ANKRD26: variants seen among roughly 807,000 people sequenced by gnomAD.
ANKRD26 encodes the protein ankyrin repeat domain 26.
In ANKRD26, 141 loss-of-function variants were observed where a neutral mutation model predicts 208.7. The ratio of observed to expected loss-of-function variants is 0.68; its 90% CI spans 0.59 to 0.78. The LOEUF (loss-of-function observed/expected upper bound fraction) is 0.78. ANKRD26 is among the 30% of genes least tolerant of loss of function. The pLI, the probability that ANKRD26 is intolerant of heterozygous loss-of-function variation, is 0.00. For synonymous variants in ANKRD26, 636 were observed against 660.4 expected, an observed-to-expected ratio of 0.96 and a Z score of 0.57; for missense variants, 1,889 against 1,938.7, an observed-to-expected ratio of 0.97 and a Z score of 0.48.
At chr10:26,962,275 A>G in the ANKRD26 span, among the ~76,000 whole-genome samples, 1 of 152,140 alleles carries the variant, frequency 6.6e-6, no homozygotes, top group Admixed American at 6.5e-5. Flanking sequence ...TACAAAAAAT[A>G]AAATTTTTAA....
chr10:27,082,811 G>A lies in ANKRD26; in HGVS notation c.732C>T (p.Ser244=). Residue 244 remains serine (S), a synonymous_variant, in exon 6 of 34, where the codon TCC becomes TCT. Coordinates refer to ENST00000376087, the MANE Select transcript of ANKRD26 (RefSeq NM_014915.3). ...SNSVDESSED[S]LSRLSGKPGV... is the part of the protein sequence containing the mutation. ...AATCTGTAAAATACTACCTGCTTAA[G>A]GAGTCTTCAGAGCTTTCATCCACTA... The A allele has an allele frequency of 6.3e-7, 1 of 1,588,688 alleles. No homozygotes were observed. The highest frequency in any genetic ancestry group is 8.6e-7 in the Non-Finnish European group (1 of 1,166,484).
the ANKRD26 span, among the ~76,000 whole-genome samples, chr10:26,951,013 C>CTT: frequency 4.6e-4 from 46 of 100,914 alleles, 6 homozygotes; most frequent in African/African-American, 2.4e-3. Context: ...CTTTTCTTTT[C>CTT]TTTTTCTTTT....
chr10:27,017,570 G>C lies in ANKRD26; in HGVS notation c.4438C>G (p.Gln1480Glu), dbSNP rs768622377. 2 of 1,613,604 alleles carry C rather than the reference G, an allele frequency of 1.2e-6. No homozygotes were observed. Among genetic ancestry groups the C allele is most frequent in the African/African-American group, 2.7e-5 (2 of 75,010 alleles). ...VELGQVKQYK[Q>E]EIEERARQEI... The stretch of plus-strand genomic sequence containing the variant: ...TGTCTTGCTCTTTCTTCAATCTCCT[G>C]TTTATACTGTTTGACTTGACCAAGT... Residue 1480 changes from glutamine (Q) to glutamate (E), a missense_variant, in exon 30 of 34, where the codon CAG (glutamine) becomes GAG (glutamate). By Grantham distance (29) the Gln-to-Glu change is conservative. This residue lies in a region of ANKRD26 where 613 missense variants were observed against 648.2 expected (regional missense o/e 0.95). Transcript: ENST00000376087.
intron 20 of ANKRD26, among the ~76,000 whole-genome samples, chr10:27,041,739 A>G (rs2054246325): frequency 1.3e-5 from 2 of 152,158 alleles, no homozygotes; most frequent in South Asian, 4.1e-4. Context: ...CTACGGAAAA[A>G]AATCCAAGCA....
intron 15 of ANKRD26, among the ~76,000 whole-genome samples, chr10:27,054,148 ATTAT>A (rs1450747789): frequency 6.6e-6 from 1 of 152,040 alleles, no homozygotes; most frequent in East Asian, 1.9e-4. Context: ...TGAACTGTAT[ATTAT>A]TTATTTATAT....
intron 20 of ANKRD26, among the ~76,000 whole-genome samples, chr10:27,040,804 C>A (rs962901931): frequency 1.3e-5 from 2 of 151,838 alleles, no homozygotes; most frequent in Admixed American, 1.3e-4. Flanking sequence ...CTGAGGTGGG[C>A]GGATCACCTG....
chr10:27,024,348 G>A, intron 28 of ANKRD26, 99 bp downstream of exon 28: 1 of 662,180 alleles, frequency 1.5e-6, no homozygotes, highest in Non-Finnish European at 2.6e-6. Context: ...TTAAGAAAAA[G>A]TAGATATTAA....
chr10:27,066,871 A>G (rs2055269259), intron 10 of ANKRD26, among the ~76,000 whole-genome samples: 3 of 151,696 alleles, frequency 2.0e-5, no homozygotes, highest in South Asian at 2.1e-4. Context: ...GCAGTGGCGC[A>G]ATCTCAGCCC....
At position 27,078,910 on chromosome 10, in the gene ANKRD26, T is replaced by TAAA. The variant is rs71281564; in HGVS notation, c.813+176_813+178dup. Among the ~76,000 whole-genome samples the TAAA allele has an allele frequency of 4.2e-3, 310 of 74,576 alleles. 2 individuals are homozygous for TAAA. Among genetic ancestry groups the TAAA allele is most frequent in the African/African-American group, 0.014 (264 of 18,566 alleles). 48.9% of individuals were successfully genotyped at this position (74,576 alleles called of 152,430 possible). On this transcript the variant is annotated intron_variant, in intron 7 of 33. Transcript: ENST00000376087. ...ATCAATCCTTTGTTATTTACCAAAG[T>TAAA]AAAAAAAAAAAAAAAAAAAGAATTC...
chr10:26,994,746 G>C (rs1475229625), intron 5 of ANKRD26, among the ~76,000 whole-genome samples: 1 of 152,174 alleles, frequency 6.6e-6, no homozygotes, highest in Non-Finnish European at 1.5e-5. Context: ...TCTGATGCTT[G>C]TTGGTCATTT....
At chr10:27,069,245 G>A (rs1228106784) in intron 9 of ANKRD26, among the ~76,000 whole-genome samples, 1 of 147,580 alleles carries the variant, frequency 6.8e-6, no homozygotes, top group Non-Finnish European at 1.5e-5. Flanking sequence ...TGATAAGCAG[G>A]TAGAAAATAA....
At chr10:27,059,862 T>G (rs987291560) in intron 15 of ANKRD26, among the ~76,000 whole-genome samples, 7 of 150,148 alleles carry the variant, frequency 4.7e-5, no homozygotes, top group African/African-American at 1.7e-4. Context: ...GCCACTGCAC[T>G]CTAGCCTGGG....
At chr10:27,018,134 C>A (rs12242567) in intron 29 of ANKRD26, among the ~76,000 whole-genome samples, 130 of 129,688 alleles carry the variant, frequency 1.0e-3, no homozygotes, top group African/African-American at 3.7e-3. Flanking sequence ...CATAAACATG[C>A]CCTATAATTT....
At chr10:27,054,544 T>C (rs977042514) in intron 15 of ANKRD26, among the ~76,000 whole-genome samples, 4 of 152,104 alleles carry the variant, frequency 2.6e-5, no homozygotes, top group Admixed American at 6.6e-5. Context: ...AAGATCGTGC[T>C]GCTGCACTCC....
chr10:27,037,963 A>G lies in ANKRD26; in HGVS notation c.2467T>C (p.Tyr823His). Residue 823 changes from tyrosine to histidine, a missense_variant, in exon 22 of 34, where the codon TAT becomes CAT. Transcript: ENST00000376087. ...REQLRRKEEQ[Y>H]RKEVEVKQQL... ...TGTTTCACTTCAACTTCTTTCCTAT[A>G]TTGCTCTTCTTTTCTTCTTAACTGT... The G allele has an allele frequency of 6.2e-7, 1 of 1,613,094 alleles. No individual in the cohort carries two copies. The highest frequency in any genetic ancestry group is 8.5e-7 in the Non-Finnish European group (1 of 1,179,608).
chr10:27,040,787 T>C (rs2054209106), intron 20 of ANKRD26, among the ~76,000 whole-genome samples: 1 of 152,038 alleles, frequency 6.6e-6, no homozygotes, highest in African/African-American at 2.4e-5. Flanking sequence ...CCCAGCACTT[T>C]AGGAGGCTGA....
At chr10:27,066,251 T>C (rs1397740328) in intron 11 of ANKRD26, 4 of 319,978 alleles carry the variant, frequency 1.3e-5, no homozygotes, top group Non-Finnish European at 2.2e-5. Context: ...TTTTCTTTTT[T>C]TTTTTGCACT....
intron 5 of ANKRD26, among the ~76,000 whole-genome samples, chr10:26,994,533 A>AT (rs113235558): frequency 0.031 from 4,676 of 152,202 alleles, 176 homozygotes; most frequent in African/African-American, 0.087. Context: ...CGTTTGGGCT[A>AT]TGCTCTGGGT....
the ANKRD26 span, among the ~76,000 whole-genome samples, chr10:26,948,919 C>T: frequency 2.6e-5 from 4 of 152,000 alleles, no homozygotes; most frequent in African/African-American, 9.7e-5. Context: ...CGCTTGAACC[C>T]GGGAGGCGGA....
Sources: gnomAD v4.1 joint callset for allele counts (sites outside exome capture counted in the v4.1 genomes callset) on GRCh38, gnomAD v4.1.1 for gene constraint, gnomAD v4.1.1 regional missense constraint, MANE v1.5 for transcripts, NCBI Gene and HGNC (gene_info 2026-07-23, HGNC 2026-07-21) for gene names.